Variants in ACACB observed in about 807,000 individuals in gnomAD.
ACACB encodes the protein acetyl-CoA carboxylase beta, also known as acetyl-CoA carboxylase 2.
A neutral mutation model predicts 278.8 loss-of-function variants in ACACB; 209 were observed. The observed-to-expected ratio is 0.75, with a 90% CI of 0.67 to 0.84. The LOEUF (loss-of-function observed/expected upper bound fraction) is 0.84, where lower values mean the gene tolerates loss of function less well. Ranked by LOEUF, ACACB falls within the 40% of genes least tolerant of loss-of-function variation. ACACB has a pLI of 0.00. For missense variants in ACACB, 2,850 were observed against 3,269.0 expected (o/e 0.87, Z 3.13); for synonymous variants, 1,174 against 1,285.6 (o/e 0.91, Z 1.86).
At chr12:109,211,817 A>G (rs1593587762) in intron 21 of ACACB, among the ~76,000 whole-genome samples, 1 of 152,250 alleles carries the variant, frequency 6.6e-6, no homozygotes, top group East Asian at 1.9e-4. Flanking sequence ...TATCTGAACT[A>G]AAAAATAACA....
In ACACB at chr12:109,199,384, ACTC is replaced by A. The variant is rs750164537; in HGVS notation, c.2628-11_2628-9del. ...TAGTCCTCATCAGTCTCCCTACCCG[ACTC>A]CTCCTCTCTCCCAGTTACCGAATTA... On this transcript the variant is annotated splice_polypyrimidine_tract_variant and intron_variant, in intron 17 of 52. Transcript: ENST00000338432. 1.4e-6 allele frequency: 2 copies of A among 1,454,272 alleles called. No homozygotes were observed. Among genetic ancestry groups the A allele is most frequent in the Non-Finnish European group, 1.8e-6 (2 of 1,096,402 alleles). The allele number at this position is 1,454,272 out of a possible 1,614,324, so 90.1% of individuals were successfully genotyped here.
At chr12:109,241,302 G>A in intron 36 of ACACB, 21 bp downstream of exon 36, 4 of 1,610,902 alleles carry the variant, frequency 2.5e-6, no homozygotes, top group Middle Eastern at 1.7e-4. Flanking sequence ...CCCGCGCCGT[G>A]GGGGTCTAAG....
intron 48 of ACACB, among the ~76,000 whole-genome samples, chr12:109,261,596 C>T (rs937177652): frequency 3.2e-4 from 48 of 152,112 alleles, no homozygotes; most frequent in African/African-American, 1.1e-3. Flanking sequence ...TGAGGCCAGG[C>T]GTGGTGGCTC....
intron 15 of ACACB, among the ~76,000 whole-genome samples, chr12:109,192,517 C>T (rs2044930651): frequency 6.6e-6 from 1 of 152,148 alleles, no homozygotes; most frequent in Non-Finnish European, 1.5e-5. Flanking sequence ...AGGAGCAGCC[C>T]TTCCCTCTGA....
At chr12:109,162,388 C>T (rs912469061) in intron 2 of ACACB, among the ~76,000 whole-genome samples, 1 of 152,048 alleles carries the variant, frequency 6.6e-6, no homozygotes, top group Non-Finnish European at 1.5e-5. Context: ...CCATCTGTAC[C>T]ACAGAACCCC....
At chr12:109,222,956 G>A in intron 26 of ACACB, 44 bp downstream of exon 26, 1 of 1,479,740 alleles carries the variant, frequency 6.8e-7, no homozygotes, top group Non-Finnish European at 9.3e-7. Context: ...AGCACACACT[G>A]TGGCCCAGGT....
At chr12:109,244,335 C>A (rs1380459275) in intron 37 of ACACB, among the ~76,000 whole-genome samples, 2 of 152,212 alleles carry the variant, frequency 1.3e-5, no homozygotes, top group Admixed American at 6.5e-5. Context: ...CCCTTGCTTC[C>A]TGCTGTCCCT....
intron 19 of ACACB, among the ~76,000 whole-genome samples, chr12:109,202,629 T>G (rs1178661951): frequency 6.6e-6 from 1 of 152,226 alleles, no homozygotes; most frequent in Non-Finnish European, 1.5e-5. Flanking sequence ...TTAATTACTA[T>G]TGTTATCAAT....
chr12:109,226,614 G>A lies in ACACB; in HGVS notation c.3883-757G>A, dbSNP rs182381200. 2.4e-3 allele frequency among the ~76,000 whole-genome samples: 353 copies of A among 148,830 alleles called. 1 individual carries two copies. Among genetic ancestry groups the A allele is most frequent in the African/African-American group, 8.6e-3 (344 of 40,168 alleles). ...CTCAGGAGGCTGAGGCAGGAGAATC[G>A]CTTGAACCTGGGAGGAGGAGGTTGT... is the stretch of plus-strand genomic sequence containing the variant. On this transcript the variant is annotated intron_variant, in intron 27 of 52. Coordinates refer to ENST00000338432, the MANE Select transcript of ACACB (RefSeq NM_001093.4).
intron 28 of ACACB, among the ~76,000 whole-genome samples, chr12:109,228,573 C>G (rs371280688): frequency 5.8e-4 from 86 of 148,794 alleles, no homozygotes; most frequent in African/African-American, 2.1e-3. Flanking sequence ...GGATGAGAAT[C>G]TCTTAAACCT....
Position 109,199,397 on chromosome 12 carries a change from C to T in ACACB, c.2628-5C>T. 2.7e-6 allele frequency: 4 copies of T among 1,478,028 alleles called. No homozygotes were observed. Among genetic ancestry groups the T allele is most frequent in the Non-Finnish European group, 3.6e-6 (4 of 1,108,392 alleles). The allele number at this position is 1,478,028 out of a possible 1,614,324, so 91.6% of individuals were successfully genotyped here. On this transcript the variant is annotated splice_polypyrimidine_tract_variant and splice_region_variant and intron_variant, in intron 17 of 52. Transcript: ENST00000338432. Reference sequence around the variant, plus strand: ...TCTCCCTACCCGACTCCTCCTCTCTCCCAGTTACCGAATTACCATCGGCAA... The same window carrying T: ...TCTCCCTACCCGACTCCTCCTCTCTTCCAGTTACCGAATTACCATCGGCAA...
chr12:109,253,766 G>T (rs1421228872), intron 43 of ACACB, among the ~76,000 whole-genome samples: 1 of 152,170 alleles, frequency 6.6e-6, no homozygotes. Flanking sequence ...GGTTTACAGA[G>T]TTCAGGTCAT....
Position 109,171,871 on chromosome 12 carries a change from A to G in ACACB, c.992A>G (p.Asn331Ser), listed in dbSNP as rs766213742. ...PGGPNNNNYA[N>S]VELIVDIAKR... ...GGGCCCAATAACAACAACTATGCCA[A>G]CGTGGAGCTGATTGTGGACATTGCC... Residue 331 changes from asparagine to serine, a missense_variant, in exon 5 of 53, where the codon AAC (asparagine) becomes AGC (serine). By Grantham distance (46) the Asn-to-Ser change is conservative (BLOSUM62 1). Coordinates refer to ENST00000338432, the MANE Select transcript of ACACB (RefSeq NM_001093.4). 1 of 1,614,152 alleles carries G rather than the reference A, an allele frequency of 6.2e-7. No individual in the cohort carries two copies. The highest frequency in any genetic ancestry group is 1.1e-5 in the South Asian group (1 of 91,080).
At chr12:109,174,653 A>C (rs1193911320) in intron 7 of ACACB, among the ~76,000 whole-genome samples, 1 of 151,740 alleles carries the variant, frequency 6.6e-6, no homozygotes, top group Non-Finnish European at 1.5e-5. Flanking sequence ...ACTTGAAGCC[A>C]GGAGTTCAAG....
intron 44 of ACACB, among the ~76,000 whole-genome samples, chr12:109,255,489 G>A (rs565341822): frequency 2.0e-5 from 3 of 152,186 alleles, no homozygotes; most frequent in Admixed American, 6.5e-5. Flanking sequence ...GCTTCTCACT[G>A]TCAGGCCAGT....
At chr12:109,175,457 C>T (rs1485145716) in intron 7 of ACACB, among the ~76,000 whole-genome samples, 1 of 152,034 alleles carries the variant, frequency 6.6e-6, no homozygotes, top group Non-Finnish European at 1.5e-5. Context: ...ACTCTGTCAC[C>T]CAGGCCAAAC....
At chr12:109,126,527 A>T (rs1256254240) in intron 1 of ACACB, among the ~76,000 whole-genome samples, 1 of 152,040 alleles carries the variant, frequency 6.6e-6, no homozygotes, top group Non-Finnish European at 1.5e-5. Flanking sequence ...TACAAAATAT[A>T]AAAAAGATTA....
intron 22 of ACACB, among the ~76,000 whole-genome samples, chr12:109,213,586 T>C (rs938121841): frequency 1.3e-5 from 2 of 152,080 alleles, no homozygotes; most frequent in African/African-American, 4.8e-5. Context: ...ACTATTCTGA[T>C]GACAAAAGGA....
chr12:109,112,798 A>G (rs11065409), upstream of ACACB, among the ~76,000 whole-genome samples: 33,227 of 151,632 alleles, frequency 0.22, 3,941 homozygotes, highest in East Asian at 0.6. Context: ...TGCACTCAGT[A>G]TGCAAAGATG....
Sources: allele counts gnomAD v4.1 joint callset (sites outside exome capture counted in the v4.1 genomes callset), GRCh38; gene constraint gnomAD v4.1.1; transcripts MANE v1.5; gene names NCBI Gene and HGNC (gene_info 2026-07-23, HGNC 2026-07-21).